The following EPN1 variants were observed in gnomAD, a reference collection of about 807,000 sequenced individuals.
EPN1 encodes the protein epsin-1.
A neutral mutation model predicts 56.9 loss-of-function variants in EPN1; 25 were observed. That is an observed-to-expected ratio of 0.44 (90% CI 0.32 to 0.61). The LOEUF (loss-of-function observed/expected upper bound fraction) is 0.61. Among genes scored for constraint, EPN1 ranks in the 20% least tolerant of loss-of-function variants. EPN1 has a pLI of 0.05. For synonymous variants in EPN1, 411 were observed against 361.8 expected (o/e 1.14, Z -1.54); for missense variants, 785 against 823.7 (o/e 0.95, Z 0.58).
chr19:55,693,118 G>A, intron 9 of EPN1, 81 bp downstream of exon 9: 3 of 1,418,772 alleles, frequency 2.1e-6, no homozygotes, highest in Non-Finnish European at 3.0e-6. Flanking sequence ...TGCTGTCTTT[G>A]TCCCACTCCA....
chr19:55,689,305 C>G lies in EPN1; in HGVS notation c.612C>G (p.Ser204=). 1 of 1,550,612 alleles carries G rather than the reference C, an allele frequency of 6.4e-7. No homozygotes were observed. Among genetic ancestry groups the G allele is most frequent in the Non-Finnish European group, 8.7e-7 (1 of 1,146,396 alleles). ...CACTCTCTCTCCCCCAGCCCCCGTC[C>G]TGCGGCCCCGAGGACGACGCCCAGC... is the stretch of plus-strand genomic sequence containing the variant. ...MSKEEADQPP[S]CGPEDDAQLQ... is the part of the protein sequence containing the mutation. The change falls in exon 5 of 11, where the codon TCC becomes TCG. Residue 204 remains serine (S), a synonymous_variant. Coordinates refer to ENST00000270460, the MANE Select transcript of EPN1 (RefSeq NM_001130072.2). This position sits in a 1 kb window ranked among gnomAD's most constrained non-coding sequence, Gnocchi z 5.7.
chr19:55,681,802 CT>C (rs199910309), intron 2 of EPN1, among the ~76,000 whole-genome samples: 494 of 145,216 alleles, frequency 3.4e-3, no homozygotes, highest in African/African-American at 5.6e-3. Context: ...ATTTTGCAAA[CT>C]TTTTTTTTTT....
At chr19:55,686,927 C>T (rs768909958) in intron 3 of EPN1, among the ~76,000 whole-genome samples, 18 of 151,740 alleles carry the variant, frequency 1.2e-4, no homozygotes, top group East Asian at 2.0e-4. Context: ...GCTCGGGGGT[C>T]GTCAGACTTT....
rs1225154523 is a variant in EPN1, at chr19:55,689,234, GCTCTGCCTCTGA to G, written c.604-51_604-40del. 2.2e-5 allele frequency: 28 copies of G among 1,299,406 alleles called. No homozygotes were observed. Among genetic ancestry groups the G allele is most frequent in the East Asian group, 7.6e-5 (3 of 39,648 alleles). 80.5% of individuals were successfully genotyped at this position (1,299,406 alleles called of 1,614,324 possible). On this transcript the variant is annotated intron_variant, in intron 4 of 10. Transcript: ENST00000270460. This position sits in a 1 kb window ranked among gnomAD's most constrained non-coding sequence, Gnocchi z 5.7. Reference sequence around the variant, plus strand: ...CTTTCTTCGGCTCTATCTGACCCTGGCTCTGCCTCTGACTCTGCCTCTGGCCCCTCCCGTCAT... The same window carrying G: ...CTTTCTTCGGCTCTATCTGACCCTGGCTCTGCCTCTGGCCCCTCCCGTCAT...
Position 55,701,433 on chromosome 19 carries a change from A to G in EPN1, c.*6077A>G, listed in dbSNP as rs1987135425. The G allele has an allele frequency of 6.8e-6, 1 of 147,866 alleles. No individual in the cohort carries two copies. The highest frequency in any genetic ancestry group is 1.5e-5 in the Non-Finnish European group (1 of 67,324). 9.2% of individuals were successfully genotyped at this position (147,866 alleles called of 1,614,324 possible). A position where few individuals can be genotyped will look rare whatever the true frequency, so the allele number is the denominator to read the frequency against. ...TACTGCACTCCAGCCTGGGTGACAGAGTGAGACCCTGTCTCCAAAAAAAAA... is the reference window on the plus strand; with the variant it reads ...TACTGCACTCCAGCCTGGGTGACAGGGTGAGACCCTGTCTCCAAAAAAAAA... On this transcript the variant is annotated 3_prime_UTR_variant, in exon 11 of 11. Transcript: ENST00000270460.
rs1001201139 is a variant in EPN1 at position 55,695,122 on chromosome 19, G to A, written c.1523-26G>A. ...TGGGCTGCGCCACTGACTCCACTCCGTGTCTCTGGTTTACTCTTCCTGCAG... is the reference window on the plus strand; with the variant it reads ...TGGGCTGCGCCACTGACTCCACTCCATGTCTCTGGTTTACTCTTCCTGCAG... On this transcript the variant is annotated intron_variant, in intron 10 of 10. Coordinates refer to ENST00000270460, the MANE Select transcript of EPN1 (RefSeq NM_001130072.2). The surrounding 1 kb of genome is among the most constrained non-coding windows in gnomAD (Gnocchi z 4.4). 2.0e-5 allele frequency: 32 copies of A among 1,613,256 alleles called. No homozygotes were observed. The highest frequency in any genetic ancestry group is 5.0e-5 in the Admixed American group (3 of 59,992).
chr19:55,708,960 A>C lies in EPN1; in HGVS notation c.*13604A>C, dbSNP rs1227375423. 3.8e-6 allele frequency: 6 copies of C among 1,588,980 alleles called. No homozygotes were observed. The highest frequency in any genetic ancestry group is 5.1e-6 in the Non-Finnish European group (6 of 1,170,742). Reference sequence around the variant, plus strand: ...TGTATTCCTCGTCAATCCAAGGTCCATGTGAAATGGTCAGATGGGGAATTT... The same window carrying C: ...TGTATTCCTCGTCAATCCAAGGTCCCTGTGAAATGGTCAGATGGGGAATTT... On this transcript the variant is annotated 3_prime_UTR_variant, in exon 11 of 11. Coordinates refer to ENST00000270460, the MANE Select transcript of EPN1 (RefSeq NM_001130072.2).
At chr19:55,688,825 T>A (rs1986337299) in intron 3 of EPN1, 45 bp from the exon 4 acceptor site, 2 of 1,557,726 alleles carry the variant, frequency 1.3e-6, no homozygotes, top group Non-Finnish European at 1.7e-6. Context: ...TTCCTGTCTC[T>A]CGTTCCCTGG....
chr19:55,694,894 A>G lies in EPN1; in HGVS notation c.1433A>G (p.Asn478Ser), dbSNP rs748380614. 1.9e-5 allele frequency: 30 copies of G among 1,597,174 alleles called. No homozygotes were observed. Among genetic ancestry groups the G allele is most frequent in the African/African-American group, 2.7e-5 (2 of 74,422 alleles). Residue 478 changes from asparagine to serine, a missense_variant, in exon 10 of 11, where the codon AAT (asparagine) becomes AGT (serine). Asn to Ser is a conservative substitution (Grantham distance 46). Around this residue, in one of 2 missense-constraint regions of EPN1, gnomAD observed 650 missense variants for 605.0 expected, o/e 1.07. Transcript: ENST00000270460. The surrounding 1 kb of genome is among the most constrained non-coding windows in gnomAD (Gnocchi z 4.2). ...RKTPESFLGP[N>S]AALVDLDSLV... ...ACGCCGGAGTCATTCCTGGGGCCCA[A>G]TGCAGCCCTCGTCGACCTGGACTCG...
At position 55,703,215 on chromosome 19, in the gene EPN1, G is replaced by C. The variant is rs1184277827; in HGVS notation, c.*7859G>C. The stretch of plus-strand genomic sequence containing the variant: ...CGTGTGTGTGGCCACGTGTGTTTCT[G>C]TCCTGGACAACACTGTCCGGAGGGG... On this transcript the variant is annotated 3_prime_UTR_variant, in exon 11 of 11. Coordinates refer to ENST00000270460, the MANE Select transcript of EPN1 (RefSeq NM_001130072.2). The C allele has an allele frequency of 6.6e-6, 1 of 152,424 alleles. No individual in the cohort carries two copies. The highest frequency in any genetic ancestry group is 1.5e-5 in the Non-Finnish European group (1 of 68,262). The allele number at this position is 152,424 out of a possible 1,614,324, so 9.4% of individuals were successfully genotyped here. A position where few individuals can be genotyped will look rare whatever the true frequency, so the allele number is the denominator to read the frequency against.
intron 1 of EPN1, among the ~76,000 whole-genome samples, chr19:55,675,784 A>G (rs147330219): frequency 6.6e-6 from 1 of 151,906 alleles, no homozygotes; most frequent in East Asian, 1.9e-4. Flanking sequence ...TGTCTCGTTG[A>G]GTTTCCGAGT....
rs1986064038 is a variant in EPN1, at chr19:55,684,936, ACAGTTCAGTGGCCTTCGGCC to A, written c.229-457_229-438del. ...CACTGTGCAGCCCCCTTCATATCGC[ACAGTTCAGTGGCCTTCGGCC>A]CATTCACAGTGCTGGGCGACCACCT... On this transcript the variant is annotated intron_variant, in intron 2 of 10. Coordinates refer to ENST00000270460, the MANE Select transcript of EPN1 (RefSeq NM_001130072.2). Among the ~76,000 whole-genome samples, 4 of 152,142 alleles carry A rather than the reference ACAGTTCAGTGGCCTTCGGCC, an allele frequency of 2.6e-5. No homozygotes were observed. In the South Asian group the frequency reaches 8.3e-4, roughly 32 times the overall value.
At chr19:55,692,175 C>A in intron 7 of EPN1, 118 bp downstream of exon 7, 1 of 1,022,108 alleles carries the variant, frequency 9.8e-7, no homozygotes, top group Non-Finnish European at 1.3e-6. Flanking sequence ...GTGGGGCGTC[C>A]TGGGTGCAGG....
Position 55,695,039 on chromosome 19 carries a change from G to T in EPN1, c.1522+56G>T. The stretch of plus-strand genomic sequence containing the variant: ...CTTCCTGTGGGTTCCACCAGAGGAG[G>T]TGCCTCACGGGGCAGGGACACTTCG... On this transcript the variant is annotated intron_variant, in intron 10 of 10. Coordinates refer to ENST00000270460, the MANE Select transcript of EPN1 (RefSeq NM_001130072.2). This position sits in a 1 kb window ranked among gnomAD's most constrained non-coding sequence, Gnocchi z 4.4. 6.3e-7 allele frequency: 1 copy of T among 1,574,878 alleles called. No homozygotes were observed.
chr19:55,693,193 C>G, intron 9 of EPN1, 156 bp downstream of exon 9: 1 of 577,972 alleles, frequency 1.7e-6, no homozygotes, highest in Non-Finnish European at 3.0e-6. Flanking sequence ...AACCATCCAC[C>G]TGTCTTTAAA....
chr19:55,706,277 C>CTTTTTTTTTTTTTTTTTTTTTTTTTTTT lies in EPN1; in HGVS notation c.*10923_*10924insTTTTTTTTTTTTTTTTTTTTTTTTTTTT, dbSNP rs1568587726. ...TCTTTTCTTCCTTTCTTCTCTTTTT[C>CTTTTTTTTTTTTTTTTTTTTTTTTTTTT]TTCTTCTTTTTTTTTTTTTTTTAAA... is the stretch of plus-strand genomic sequence containing the variant. On this transcript the variant is annotated 3_prime_UTR_variant, in exon 11 of 11. Transcript: ENST00000270460. 1.2e-4 allele frequency: 12 copies of CTTTTTTTTTTTTTTTTTTTTTTTTTTTT among 98,528 alleles called. No homozygotes were observed. The highest frequency in any genetic ancestry group is 1.9e-4 in the Admixed American group (2 of 10,322). The allele number at this position is 98,528 out of a possible 1,614,324, so 6.1% of individuals were successfully genotyped here. A position where few individuals can be genotyped will look rare whatever the true frequency, so the allele number is the denominator to read the frequency against.
chr19:55,681,461 GC>G (rs1196662461), intron 2 of EPN1, among the ~76,000 whole-genome samples: 1 of 152,152 alleles, frequency 6.6e-6, no homozygotes, highest in Non-Finnish European at 1.5e-5. Context: ...CTCAGTCTTG[GC>G]TTTAAACCAG....
chr19:55,689,383 C>CTCCCTG lies in EPN1; in HGVS notation c.678+19_678+24dup. 5.2e-6 allele frequency: 8 copies of CTCCCTG among 1,549,500 alleles called. No individual in the cohort carries two copies. Among genetic ancestry groups the CTCCCTG allele is most frequent in the Non-Finnish European group, 7.0e-6 (8 of 1,145,080 alleles). On this transcript the variant is annotated intron_variant, in intron 5 of 10. Transcript: ENST00000270460. This position sits in a 1 kb window ranked among gnomAD's most constrained non-coding sequence, Gnocchi z 5.7. ...AAGAGCATGATAAGGTCAGAGCAGCCTCCCTGTCCCTGCCCCTGCCAGGGG... is the reference window on the plus strand; with the variant it reads ...AAGAGCATGATAAGGTCAGAGCAGCCTCCCTGTCCCTGTCCCTGCCCCTGCCAGGGG...
In EPN1 at chr19:55,705,767, C is replaced by T. The variant is rs1440908780; in HGVS notation, c.*10411C>T. On this transcript the variant is annotated 3_prime_UTR_variant, in exon 11 of 11. Coordinates refer to ENST00000270460, the MANE Select transcript of EPN1 (RefSeq NM_001130072.2). ...TCAATCATAAGGTCAGGTTCTTCAA[C>T]AGTCATACTGACATTGTGGCTGGAA... The T allele has an allele frequency of 1.4e-5, 2 of 144,062 alleles. No homozygotes were observed. The highest frequency in any genetic ancestry group is 5.2e-5 in the African/African-American group (2 of 38,156). 8.9% of individuals were successfully genotyped at this position (144,062 alleles called of 1,614,324 possible). A position where few individuals can be genotyped will look rare whatever the true frequency, so the allele number is the denominator to read the frequency against.
Sources: gnomAD v4.1 joint callset for allele counts (sites outside exome capture counted in the v4.1 genomes callset) on GRCh38, gnomAD v4.1.1 for gene constraint, gnomAD v4.1.1 regional missense constraint, Gnocchi (gnomAD v3.1) non-coding constraint, MANE v1.5 for transcripts, NCBI Gene and HGNC (gene_info 2026-07-23, HGNC 2026-07-21) for gene names.